The following KLF12 variants were observed in gnomAD, a reference collection of about 807,000 sequenced individuals.
The protein encoded by KLF12 is Krueppel-like factor 12.
Under a neutral mutation model 37.8 loss-of-function variants are expected in KLF12, and 9 were observed. The ratio of observed to expected loss-of-function variants is 0.24; its 90% CI spans 0.14 to 0.42. KLF12 has a LOEUF of 0.42. KLF12 is among the 10% of genes least tolerant of loss of function. The pLI is 1.00. For synonymous variants in KLF12, 208 were observed against 202.1 expected (o/e 1.03, Z -0.25); for missense variants, 411 against 516.0 (o/e 0.80, Z 1.97).
the KLF12 span, among the ~76,000 whole-genome samples, chr13:74,246,574 G>C: frequency 6.6e-6 from 1 of 152,186 alleles, no homozygotes; most frequent in Non-Finnish European, 1.5e-5. Flanking sequence ...TGGCTTGGTG[G>C]GTGGAAAAAA....
rs1471481162 is a variant in KLF12 at position 73,994,979 on chromosome 13, G to C, written c.33+11C>G. The stretch of plus-strand genomic sequence containing the variant: ...TATTTTCAATGCAATTTTAACATCT[G>C]ACTAACCAACCTTTATTGTTTTTCT... On this transcript the variant is annotated intron_variant, in intron 2 of 7. Transcript: ENST00000377669. 3.2e-6 allele frequency: 5 copies of C among 1,576,304 alleles called. No homozygotes were observed. Among genetic ancestry groups the C allele is most frequent in the Non-Finnish European group, 4.4e-6 (5 of 1,146,608 alleles).
chr13:74,046,606 T>A (rs1893553701), intron 1 of KLF12, among the ~76,000 whole-genome samples: 1 of 152,054 alleles, frequency 6.6e-6, no homozygotes, highest in Non-Finnish European at 1.5e-5. Flanking sequence ...TTGGAGAGGA[T>A]ACTAGAAAAA....
At chr13:74,304,442 C>G in the KLF12 span, among the ~76,000 whole-genome samples, 2 of 152,058 alleles carry the variant, frequency 1.3e-5, no homozygotes, top group Non-Finnish European at 2.9e-5. Flanking sequence ...AGTTTTATCT[C>G]TTAAATCTCA....
At chr13:73,868,335 G>GGC (rs1886290794) in intron 3 of KLF12, among the ~76,000 whole-genome samples, 2 of 135,332 alleles carry the variant, frequency 1.5e-5, no homozygotes, top group Non-Finnish European at 3.2e-5. Flanking sequence ...GGTGGGGGGG[G>GGC]GGGGTGATTT....
intron 1 of KLF12, among the ~76,000 whole-genome samples, chr13:74,087,802 A>G (rs1276314949): frequency 6.6e-6 from 1 of 152,176 alleles, no homozygotes; most frequent in Non-Finnish European, 1.5e-5. Flanking sequence ...TCTGTAATGT[A>G]TAATATACTA....
chr13:74,199,824 A>G, the KLF12 span, among the ~76,000 whole-genome samples: 1 of 152,134 alleles, frequency 6.6e-6, no homozygotes, highest in African/African-American at 2.4e-5. Context: ...AAAAAATGGG[A>G]TACAACAGGT....
intron 2 of KLF12, among the ~76,000 whole-genome samples, chr13:73,972,614 ATGGAAT>A (rs950238181): frequency 1.4e-5 from 2 of 139,568 alleles, no homozygotes; most frequent in African/African-American, 5.4e-5. Context: ...TATGCCTCAG[ATGGAAT>A]TCACAGTAAT....
intron 3 of KLF12, among the ~76,000 whole-genome samples, chr13:73,905,636 A>C (rs1308631392): frequency 6.6e-6 from 1 of 151,978 alleles, no homozygotes; most frequent in African/African-American, 2.4e-5. Flanking sequence ...TGTTCCCCTT[A>C]TATCATTGCA....
chr13:73,987,878 G>A (rs1011735056), intron 2 of KLF12, among the ~76,000 whole-genome samples: 11 of 151,594 alleles, frequency 7.3e-5, no homozygotes, highest in African/African-American at 2.7e-4. Flanking sequence ...GGAGAGGGAG[G>A]GTAGAGAGGG....
At chr13:73,903,235 C>T (rs8001921) in intron 3 of KLF12, among the ~76,000 whole-genome samples, 7,135 of 152,096 alleles carry the variant, frequency 0.047, 381 homozygotes, top group African/African-American at 0.13. Context: ...TGTGTGGCAT[C>T]TGTGTGTGCC....
chr13:73,985,005 T>A (rs1461682892), intron 2 of KLF12, among the ~76,000 whole-genome samples: 1 of 129,840 alleles, frequency 7.7e-6, no homozygotes, highest in African/African-American at 2.9e-5. Flanking sequence ...CTTCCAAGGG[T>A]GACACAGCTT....
rs1022447133 is a variant in KLF12 at position 73,800,744 on chromosome 13, G to C, written c.806+12408C>G. 5 of 151,946 alleles carry C rather than the reference G, an allele frequency of 3.3e-5. No homozygotes were observed. In the South Asian group the frequency reaches 6.2e-4, roughly 19 times the overall value. The allele number at this position is 151,946 out of a possible 1,614,324, so 9.4% of individuals were successfully genotyped here. On this transcript the variant is annotated intron_variant, in intron 5 of 7. Transcript: ENST00000377669. Reference sequence around the variant, plus strand: ...ATTAAAATAATGCATCCAGTTTTCTGTATTACATTTGTTTTTCCATAAGTA... The same window carrying C: ...ATTAAAATAATGCATCCAGTTTTCTCTATTACATTTGTTTTTCCATAAGTA...
At chr13:73,715,244 A>G (rs745573852) in intron 7 of KLF12, 124 bp downstream of exon 7, 28 of 678,780 alleles carry the variant, frequency 4.1e-5, no homozygotes, top group Non-Finnish European at 5.8e-5. Flanking sequence ...CATTCCGCCT[A>G]GAAGGAGGGA....
chr13:73,875,310 A>T (rs1886653757), intron 3 of KLF12, among the ~76,000 whole-genome samples: 1 of 152,138 alleles, frequency 6.6e-6, no homozygotes, highest in Non-Finnish European at 1.5e-5. Context: ...GCTTCCTGCA[A>T]ATTTATTTTC....
chr13:74,071,243 T>A (rs1283443413), intron 1 of KLF12, among the ~76,000 whole-genome samples: 1 of 152,162 alleles, frequency 6.6e-6, no homozygotes, highest in Non-Finnish European at 1.5e-5. Context: ...GTCCATCTCA[T>A]CCTGGCAACA....
chr13:74,301,557 G>A, the KLF12 span, among the ~76,000 whole-genome samples: 1 of 152,146 alleles, frequency 6.6e-6, no homozygotes, highest in Non-Finnish European at 1.5e-5. Flanking sequence ...GTTATTCCCT[G>A]CAAGATCTAG....
intron 3 of KLF12, among the ~76,000 whole-genome samples, chr13:73,871,876 C>T (rs894275318): frequency 1.3e-5 from 2 of 152,024 alleles, no homozygotes; most frequent in South Asian, 2.1e-4. Context: ...TATAAGACGG[C>T]GAGCTCCTTG....
At chr13:74,021,306 A>G (rs934592168) in intron 1 of KLF12, among the ~76,000 whole-genome samples, 12 of 152,150 alleles carry the variant, frequency 7.9e-5, no homozygotes, top group Admixed American at 3.9e-4. Context: ...AAAAAAAAAG[A>G]TGCCTTACTA....
intron 3 of KLF12, among the ~76,000 whole-genome samples, chr13:73,867,531 G>C (rs1487730620): frequency 6.6e-6 from 1 of 151,758 alleles, no homozygotes; most frequent in Non-Finnish European, 1.5e-5. Context: ...TACAAATATA[G>C]TGTGAGATTT....
Sources: allele counts gnomAD v4.1 joint callset (sites outside exome capture counted in the v4.1 genomes callset), GRCh38; gene constraint gnomAD v4.1.1; transcripts MANE v1.5; gene names NCBI Gene and HGNC (gene_info 2026-07-23, HGNC 2026-07-21).